ERI3: variants seen among roughly 807,000 people sequenced by gnomAD.
ERI3 encodes ERI1 exoribonuclease 3.
ERI3 carries 18 observed loss-of-function variants against 44.4 expected under a neutral mutation model. That is an observed-to-expected ratio of 0.41 (90% CI 0.28 to 0.60). ERI3 has a LOEUF of 0.60. Among genes scored for constraint, ERI3 ranks in the 20% least tolerant of loss-of-function variants. The probability of loss-of-function intolerance (pLI) is 0.36; values close to 1 mark genes in which losing one functional copy is unlikely to be tolerated. For missense variants in ERI3, 294 were observed against 435.5 expected (o/e 0.68, Z 2.89); for synonymous variants, 183 against 164.8 (o/e 1.11, Z -0.84).
intron 3 of ERI3, among the ~76,000 whole-genome samples, chr1:44,333,222 A>G (rs183750521): frequency 6.6e-6 from 1 of 152,374 alleles, no homozygotes; most frequent in East Asian, 1.9e-4. Context: ...TGTGGGAAGC[A>G]TAACTTTGAA....
intron 6 of ERI3, among the ~76,000 whole-genome samples, chr1:44,295,925 C>T (rs1196619630): frequency 6.6e-6 from 1 of 152,184 alleles, no homozygotes; most frequent in African/African-American, 2.4e-5. Context: ...ATCACTAGTC[C>T]CATGATTCTG....
rs537236582 is a variant in ERI3, at chr1:44,238,048, C to T, written c.931+9891G>A. On this transcript the variant is annotated intron_variant, in intron 8 of 8. Coordinates refer to ENST00000372257, the MANE Select transcript of ERI3 (RefSeq NM_024066.3). Reference sequence around the variant, plus strand: ...CCTCCTCGGCCCTACGCGGCCTCTGCTCTTCTCTCTTGGAGCCAGGCAGCC... The same window carrying T: ...CCTCCTCGGCCCTACGCGGCCTCTGTTCTTCTCTCTTGGAGCCAGGCAGCC... Among the ~76,000 whole-genome samples, 4 of 152,288 alleles carry T rather than the reference C, an allele frequency of 2.6e-5. No homozygotes were observed. In the South Asian group the frequency reaches 8.3e-4, roughly 32 times the overall value.
chr1:44,274,954 A>G (rs1388850349), intron 7 of ERI3, among the ~76,000 whole-genome samples: 1 of 152,140 alleles, frequency 6.6e-6, no homozygotes, highest in African/African-American at 2.4e-5. Context: ...TCAGGACACC[A>G]GCCCACAACT....
At chr1:44,337,780 G>C (rs187609728) in intron 3 of ERI3, among the ~76,000 whole-genome samples, 20 of 152,226 alleles carry the variant, frequency 1.3e-4, no homozygotes, top group Non-Finnish European at 2.4e-4. Context: ...AACCAACCAT[G>C]ACAGACAAAC....
chr1:44,288,197 G>A (rs1645433903), intron 6 of ERI3, among the ~76,000 whole-genome samples: 1 of 152,198 alleles, frequency 6.6e-6, no homozygotes, highest in African/African-American at 2.4e-5. Context: ...CTCAGCAGCA[G>A]TCCTGAGTGC....
chr1:44,312,470 C>T (rs1042717542), intron 5 of ERI3, among the ~76,000 whole-genome samples: 1 of 152,080 alleles, frequency 6.6e-6, no homozygotes, highest in Non-Finnish European at 1.5e-5. Flanking sequence ...CTTATTCCCT[C>T]GGGCTACAGC....
chr1:44,314,870 C>A (rs925433998), intron 4 of ERI3, among the ~76,000 whole-genome samples: 1 of 152,232 alleles, frequency 6.6e-6, no homozygotes, highest in Non-Finnish European at 1.5e-5. Context: ...CCTCCTACAC[C>A]CAGCCCCAAC....
intron 8 of ERI3, among the ~76,000 whole-genome samples, chr1:44,224,185 C>T (rs921022381): frequency 2.0e-5 from 3 of 152,214 alleles, no homozygotes; most frequent in African/African-American, 7.2e-5. Flanking sequence ...CTTTCTCCCT[C>T]AAATTCATTC....
intron 2 of ERI3, among the ~76,000 whole-genome samples, chr1:44,342,440 G>A (rs1646673943): frequency 6.6e-6 from 1 of 152,006 alleles, no homozygotes; most frequent in Non-Finnish European, 1.5e-5. Flanking sequence ...GTTAAAATAT[G>A]GAAAGGGAGA....
chr1:44,258,724 T>G (rs1644828425), intron 7 of ERI3, among the ~76,000 whole-genome samples: 2 of 151,884 alleles, frequency 1.3e-5, no homozygotes, highest in Admixed American at 6.6e-5. Context: ...GGCTAGGAGC[T>G]CAGACCAGTG....
At chr1:44,349,105 T>C (rs1430824340) in intron 2 of ERI3, among the ~76,000 whole-genome samples, 3 of 152,206 alleles carry the variant, frequency 2.0e-5, no homozygotes, top group African/African-American at 7.2e-5. Context: ...TTTGCTTTAC[T>C]GATGGTGTTG....
chr1:44,334,092 C>T (rs984431229), intron 3 of ERI3, among the ~76,000 whole-genome samples: 2 of 152,194 alleles, frequency 1.3e-5, no homozygotes, highest in Admixed American at 6.5e-5. Context: ...AGGAGCCTGA[C>T]GGATGGCCAG....
chr1:44,268,141 C>T (rs753625972), intron 7 of ERI3, among the ~76,000 whole-genome samples: 3 of 152,178 alleles, frequency 2.0e-5, no homozygotes, highest in Non-Finnish European at 2.9e-5. Flanking sequence ...TATCACTGTA[C>T]TTACCACTTC....
intron 2 of ERI3, among the ~76,000 whole-genome samples, chr1:44,344,404 G>A (rs372932270): frequency 1.3e-5 from 2 of 152,088 alleles, no homozygotes; most frequent in East Asian, 3.8e-4. Context: ...TGTTCTCTCT[G>A]GTAGAGAGGC....
At chr1:44,229,315 C>T (rs1557766672) in intron 8 of ERI3, among the ~76,000 whole-genome samples, 1 of 152,168 alleles carries the variant, frequency 6.6e-6, no homozygotes, top group Non-Finnish European at 1.5e-5. Flanking sequence ...GTTCTGTGGC[C>T]ATTTTTATCT....
chr1:44,302,249 T>C (rs891344732), intron 6 of ERI3, among the ~76,000 whole-genome samples: 1 of 152,272 alleles, frequency 6.6e-6, no homozygotes, highest in Non-Finnish European at 1.5e-5. Flanking sequence ...TCTGCTTTGC[T>C]AAGCCCTATT....
chr1:44,297,970 C>T (rs911098689), intron 6 of ERI3, among the ~76,000 whole-genome samples: 117 of 152,236 alleles, frequency 7.7e-4, no homozygotes, highest in African/African-American at 2.7e-3. Flanking sequence ...AGGCCACAAG[C>T]CCTAGAGAAG....
intron 2 of ERI3, among the ~76,000 whole-genome samples, chr1:44,342,858 T>TATAAATATA (rs1408660607): frequency 2.6e-4 from 3 of 11,380 alleles, no homozygotes; most frequent in Non-Finnish European, 4.9e-4. Context: ...TATATATATA[T>TATAAATATA]TTTTTTTTTT....
At chr1:44,291,376 C>T (rs915987221) in intron 6 of ERI3, among the ~76,000 whole-genome samples, 9 of 152,148 alleles carry the variant, frequency 5.9e-5, no homozygotes, top group African/African-American at 1.7e-4. Context: ...TGCCTTTAGT[C>T]GGGATAGGAA....
Sources: allele counts gnomAD v4.1 joint callset (sites outside exome capture counted in the v4.1 genomes callset), GRCh38; gene constraint gnomAD v4.1.1; transcripts MANE v1.5; gene names NCBI Gene and HGNC (gene_info 2026-07-23, HGNC 2026-07-21).